USP54: variants seen among roughly 807,000 people sequenced by gnomAD.
USP54 encodes ubiquitin carboxyl-terminal hydrolase 54.
In USP54, 87 loss-of-function variants were observed where a neutral mutation model predicts 170.5. That is an observed-to-expected ratio of 0.51 (90% CI 0.43 to 0.61). USP54 has a LOEUF of 0.61. Ranked by LOEUF, USP54 falls within the 20% of genes least tolerant of loss-of-function variation. The pLI is 0.00. For synonymous variants in USP54, 655 were observed against 742.8 expected (o/e 0.88, Z 1.92); for missense variants, 1,786 against 2,047.8 (o/e 0.87, Z 2.47).
intron 15 of USP54, among the ~76,000 whole-genome samples, chr10:73,528,465 C>T (rs2063357994): frequency 6.6e-6 from 1 of 151,970 alleles, no homozygotes; most frequent in South Asian, 2.1e-4. Context: ...ACCATGTTGG[C>T]CAGGCTGGTC....
At chr10:73,556,495 G>A (rs2071089567) in intron 4 of USP54, among the ~76,000 whole-genome samples, 1 of 151,842 alleles carries the variant, frequency 6.6e-6, no homozygotes, top group Non-Finnish European at 1.5e-5. Context: ...ACAGGCACCT[G>A]CCACCACGCC....
chr10:73,560,540 T>C (rs1386892174), intron 4 of USP54, among the ~76,000 whole-genome samples: 12 of 149,356 alleles, frequency 8.0e-5, no homozygotes, highest in African/African-American at 2.7e-4. Flanking sequence ...GGCGGGTGCC[T>C]GTAGTCCCAG....
intron 23 of USP54, 29 bp from the exon 24 acceptor site, chr10:73,499,217 G>A (rs766470548): frequency 1.3e-6 from 2 of 1,554,240 alleles, no homozygotes; most frequent in Non-Finnish European, 1.7e-6. Context: ...CCCAAAGACT[G>A]AGCATCTTCA....
At chr10:73,604,989 T>G (rs937256274) in intron 1 of USP54, among the ~76,000 whole-genome samples, 1 of 152,160 alleles carries the variant, frequency 6.6e-6, no homozygotes, top group African/African-American at 2.4e-5. Flanking sequence ...TCGGTCCATT[T>G]TACAGAGTAC....
intron 1 of USP54, among the ~76,000 whole-genome samples, chr10:73,622,410 G>A (rs1283885787): frequency 2.0e-5 from 3 of 151,794 alleles, no homozygotes; most frequent in Non-Finnish European, 4.4e-5. Flanking sequence ...TGTAACCTCC[G>A]CTTCCTGGGT....
intron 3 of USP54, among the ~76,000 whole-genome samples, chr10:73,573,330 T>G (rs1412140009): frequency 6.6e-6 from 1 of 152,074 alleles, no homozygotes; most frequent in Non-Finnish European, 1.5e-5. Flanking sequence ...AAAACTAATA[T>G]GCATCATCCA....
chr10:73,584,273 A>T (rs1238116298), intron 1 of USP54, among the ~76,000 whole-genome samples: 2 of 152,134 alleles, frequency 1.3e-5, no homozygotes, highest in African/African-American at 4.8e-5. Context: ...CTGTAATCCC[A>T]GCTACTCGGG....
At chr10:73,559,816 CAG>C (rs1419193350) in intron 4 of USP54, among the ~76,000 whole-genome samples, 4 of 151,722 alleles carry the variant, frequency 2.6e-5, no homozygotes, top group Admixed American at 6.6e-5. Context: ...GGAATCCCAG[CAG>C]AGTTTGGGAG....
chr10:73,597,961 G>A (rs892978910), intron 1 of USP54, among the ~76,000 whole-genome samples: 10 of 152,028 alleles, frequency 6.6e-5, no homozygotes, highest in African/African-American at 1.4e-4. Context: ...GTGGGGACCC[G>A]TAATCCCAGC....
chr10:73,618,626 C>G (rs1459429433), intron 1 of USP54, among the ~76,000 whole-genome samples: 1 of 149,476 alleles, frequency 6.7e-6, no homozygotes. Context: ...GCCTGCAATC[C>G]CAACTACTTG....
chr10:73,610,175 C>T (rs1028272422), intron 1 of USP54, among the ~76,000 whole-genome samples: 2 of 151,880 alleles, frequency 1.3e-5, no homozygotes, highest in African/African-American at 2.4e-5. Context: ...AAGGCTCTGC[C>T]TCAAATTAAA....
chr10:73,534,543 A>G, intron 12 of USP54, 57 bp downstream of exon 12: 1 of 1,565,830 alleles, frequency 6.4e-7, no homozygotes, highest in Non-Finnish European at 8.7e-7. Flanking sequence ...TCTTTTTCTT[A>G]GGAGATCTAT....
At chr10:73,549,468 C>T (rs981089394) in intron 4 of USP54, among the ~76,000 whole-genome samples, 1 of 152,218 alleles carries the variant, frequency 6.6e-6, no homozygotes, top group African/African-American at 2.4e-5. Context: ...CCAACATCCA[C>T]ATTTTGCCTT....
intron 4 of USP54, among the ~76,000 whole-genome samples, chr10:73,550,926 G>A (rs927136974): frequency 1.3e-5 from 2 of 152,104 alleles, no homozygotes; most frequent in Non-Finnish European, 2.9e-5. Context: ...CTAACAAGGT[G>A]AAACCCCGTC....
chr10:73,573,620 C>T (rs2075619976), intron 3 of USP54, among the ~76,000 whole-genome samples: 1 of 152,106 alleles, frequency 6.6e-6, no homozygotes, highest in Admixed American at 6.5e-5. Context: ...AAAAATTAGC[C>T]CAGCGTGGTG....
intron 4 of USP54, 36 bp from the exon 5 acceptor site, chr10:73,545,708 ATGC>A (rs761447745): frequency 3.5e-5 from 57 of 1,605,710 alleles, no homozygotes; most frequent in Non-Finnish European, 4.0e-5. Flanking sequence ...AAAAAGTACA[ATGC>A]TGTTATTAAA....
intron 16 of USP54, among the ~76,000 whole-genome samples, chr10:73,523,974 C>A (rs578013257): frequency 2.7e-5 from 4 of 150,314 alleles, no homozygotes; most frequent in Admixed American, 6.6e-5. Context: ...ATGGCGCAAT[C>A]TTGGCTCACT....
At chr10:73,559,151 T>C (rs563619869) in intron 4 of USP54, among the ~76,000 whole-genome samples, 3 of 152,316 alleles carry the variant, frequency 2.0e-5, no homozygotes, top group Non-Finnish European at 4.4e-5. Flanking sequence ...CCAGGCATAG[T>C]TGCTCATGCC....
chr10:73,602,855 C>CAAAAAAAAAAA (rs60433926), intron 1 of USP54, among the ~76,000 whole-genome samples: 2 of 41,428 alleles, frequency 4.8e-5, no homozygotes, highest in African/African-American at 6.7e-5. Flanking sequence ...GACTCTGTCT[C>CAAAAAAAAAAA]AAAAAAAAAA....
Sources: gnomAD v4.1 joint callset for allele counts (sites outside exome capture counted in the v4.1 genomes callset) on GRCh38, gnomAD v4.1.1 for gene constraint, MANE v1.5 for transcripts, NCBI Gene and HGNC (gene_info 2026-07-23, HGNC 2026-07-21) for gene names.